Variants in PIK3AP1 observed in about 807,000 individuals in gnomAD.
The protein encoded by PIK3AP1 is phosphoinositide 3-kinase adapter protein 1.
Under a neutral mutation model 88.1 loss-of-function variants are expected in PIK3AP1, and 21 were observed. That is an observed-to-expected ratio of 0.24 (90% CI 0.17 to 0.34). The LOEUF (loss-of-function observed/expected upper bound fraction) is 0.34, where lower values mean the gene tolerates loss of function less well. Among genes scored for constraint, PIK3AP1 ranks in the 10% least tolerant of loss-of-function variants. The pLI is 1.00. For synonymous variants in PIK3AP1, 398 were observed against 400.0 expected, an observed-to-expected ratio of 1.00 and a Z score of 0.06; for missense variants, 828 against 1,035.7, an observed-to-expected ratio of 0.80 and a Z score of 2.75.
intron 2 of PIK3AP1, among the ~76,000 whole-genome samples, chr10:96,681,911 T>C (rs977406582): frequency 6.6e-6 from 1 of 152,126 alleles, no homozygotes; most frequent in Non-Finnish European, 1.5e-5. Context: ...CAGGTTTTTA[T>C]AGATGTGTTA....
At chr10:96,647,455 G>T (rs1843475039) in intron 7 of PIK3AP1, among the ~76,000 whole-genome samples, 1 of 152,144 alleles carries the variant, frequency 6.6e-6, no homozygotes, top group Admixed American at 6.5e-5. Context: ...AACACAGTAG[G>T]TTATTAATAA....
chr10:96,612,538 A>G (rs948222091), intron 13 of PIK3AP1, among the ~76,000 whole-genome samples: 2 of 152,202 alleles, frequency 1.3e-5, no homozygotes, highest in African/African-American at 4.8e-5. Flanking sequence ...TAATTTTCCT[A>G]TAATGTTATC....
chr10:96,613,930 G>A (rs1179939920), intron 13 of PIK3AP1, among the ~76,000 whole-genome samples: 1 of 152,186 alleles, frequency 6.6e-6, no homozygotes, highest in African/African-American at 2.4e-5. Flanking sequence ...TGCAAAGCAG[G>A]ACTGAGGCTC....
intron 8 of PIK3AP1, among the ~76,000 whole-genome samples, chr10:96,633,580 A>T (rs184441805): frequency 2.6e-5 from 4 of 152,324 alleles, no homozygotes; most frequent in Admixed American, 6.5e-5. Flanking sequence ...TATTATTATT[A>T]TTTTTATTGT....
chr10:96,666,805 C>A (rs1843769472), intron 2 of PIK3AP1, among the ~76,000 whole-genome samples: 1 of 151,872 alleles, frequency 6.6e-6, no homozygotes, highest in African/African-American at 2.4e-5. Context: ...AAATCCAGTG[C>A]CCAGAAGGAA....
Position 96,620,441 on chromosome 10 carries a change from C to T in PIK3AP1, c.1852G>A (p.Gly618Ser). Reference protein sequence around the residue: ...LITLQEQVKLGIVNVDEAVLH... With the variant: ...LITLQEQVKLSIVNVDEAVLH... ...ACAGCCTCATCCACGTTGACAATGC[C>T]CAGCTTCACCTGCTCCTGGAGGGTG... The change falls in exon 12 of 17, where the codon GGC (glycine) becomes AGC (serine). Residue 618 changes from glycine (G) to serine (S), a missense_variant. By Grantham distance (56) the Gly-to-Ser change is moderately conservative. Around this residue, in one of 3 missense-constraint regions of PIK3AP1, gnomAD observed 27 missense variants for 67.1 expected, o/e 0.40. Transcript: ENST00000339364. 6.2e-7 allele frequency: 1 copy of T among 1,614,150 alleles called. No individual in the cohort carries two copies. Among genetic ancestry groups the T allele is most frequent in the Non-Finnish European group, 8.5e-7 (1 of 1,180,016 alleles).
chr10:96,598,834 G>A (rs967646932), intron 16 of PIK3AP1, among the ~76,000 whole-genome samples: 6 of 152,190 alleles, frequency 3.9e-5, no homozygotes, highest in Non-Finnish European at 8.8e-5. Context: ...GAACAGATTG[G>A]GCAAAGAAAC....
intron 2 of PIK3AP1, among the ~76,000 whole-genome samples, chr10:96,671,795 C>A (rs997042627): frequency 4.6e-5 from 7 of 152,154 alleles, no homozygotes; most frequent in Non-Finnish European, 1.0e-4. Flanking sequence ...AATCTCAGCA[C>A]TTTGGGAGGC....
At chr10:96,680,797 C>A (rs567477221) in intron 2 of PIK3AP1, among the ~76,000 whole-genome samples, 21 of 152,286 alleles carry the variant, frequency 1.4e-4, no homozygotes, top group Admixed American at 4.6e-4. Context: ...TCCTGCAATT[C>A]ACTTTCACAT....
At chr10:96,600,833 A>T (rs891732121) in intron 16 of PIK3AP1, among the ~76,000 whole-genome samples, 65 of 152,232 alleles carry the variant, frequency 4.3e-4, no homozygotes, top group African/African-American at 1.5e-3. Context: ...TATTTTAAAC[A>T]TCGAAGAGTT....
intron 2 of PIK3AP1, among the ~76,000 whole-genome samples, chr10:96,689,294 G>C: frequency 6.6e-6 from 1 of 151,698 alleles, no homozygotes; most frequent in African/African-American, 2.4e-5. Flanking sequence ...GCCGGGTGTG[G>C]TGGCTCACAC....
At chr10:96,646,029 G>A (rs1362789382) in intron 7 of PIK3AP1, among the ~76,000 whole-genome samples, 1 of 152,180 alleles carries the variant, frequency 6.6e-6, no homozygotes, top group East Asian at 1.9e-4. Flanking sequence ...GGAGGCCAAG[G>A]CAAGTGGATC....
At chr10:96,620,774 C>T in intron 11 of PIK3AP1, 2 of 522,134 alleles carry the variant, frequency 3.8e-6, no homozygotes, top group Admixed American at 6.4e-5. Flanking sequence ...AAGGCTGCAA[C>T]ATTTAAGGGA....
intron 2 of PIK3AP1, among the ~76,000 whole-genome samples, chr10:96,706,128 C>T (rs1027703957): frequency 2.0e-5 from 3 of 151,282 alleles, no homozygotes; most frequent in Non-Finnish European, 4.4e-5. Flanking sequence ...CTCCTGACCT[C>T]GTGATCCGCC....
intron 2 of PIK3AP1, among the ~76,000 whole-genome samples, chr10:96,671,671 G>A (rs980986886): frequency 6.6e-5 from 10 of 151,952 alleles, no homozygotes; most frequent in East Asian, 5.8e-4. Flanking sequence ...CATCACCGTC[G>A]TCATCATCAT....
rs1001448379 is a variant in PIK3AP1 at position 96,662,060 on chromosome 10, A to C, written c.431-5126T>G. 4.7e-4 allele frequency among the ~76,000 whole-genome samples: 71 copies of C among 152,246 alleles called. 1 individual carries two copies. Among genetic ancestry groups the C allele is most frequent in the African/African-American group, 1.7e-3 (70 of 41,462 alleles). Reference sequence around the variant, plus strand: ...TTAAACAAACAAAAATCACAATCTAAATGAGCAAGACTTGATAATATAAAT... The same window carrying C: ...TTAAACAAACAAAAATCACAATCTACATGAGCAAGACTTGATAATATAAAT... On this transcript the variant is annotated intron_variant, in intron 2 of 16. Transcript: ENST00000339364.
chr10:96,617,169 T>A (rs894366733), intron 12 of PIK3AP1, among the ~76,000 whole-genome samples: 1 of 152,220 alleles, frequency 6.6e-6, no homozygotes, highest in Non-Finnish European at 1.5e-5. Context: ...TGCTGCTCCA[T>A]CATGTGTGCA....
At chr10:96,609,890 T>G in intron 13 of PIK3AP1, 23 bp from the exon 14 acceptor site, 2 of 1,613,078 alleles carry the variant, frequency 1.2e-6, no homozygotes, top group Non-Finnish European at 1.7e-6. Context: ...GAAAGAGGGA[T>G]AAGCTGTCAA....
At chr10:96,641,353 A>G (rs926786583) in intron 8 of PIK3AP1, among the ~76,000 whole-genome samples, 4 of 152,142 alleles carry the variant, frequency 2.6e-5, no homozygotes, top group Non-Finnish European at 5.9e-5. Flanking sequence ...ATTTGTCCCA[A>G]CAACAGTTAG....
Sources: gnomAD v4.1 joint callset for allele counts (sites outside exome capture counted in the v4.1 genomes callset) on GRCh38, gnomAD v4.1.1 for gene constraint, gnomAD v4.1.1 regional missense constraint, MANE v1.5 for transcripts, NCBI Gene and HGNC (gene_info 2026-07-23, HGNC 2026-07-21) for gene names.